Variants in ERBB4 observed in about 807,000 individuals in gnomAD.
The protein encoded by ERBB4 is receptor tyrosine-protein kinase erbB-4.
ERBB4 carries 42 observed loss-of-function variants against 158.0 expected under a neutral mutation model. That is an observed-to-expected ratio of 0.27 (90% CI 0.21 to 0.34). ERBB4 has a LOEUF of 0.34. ERBB4 is among the 10% of genes least tolerant of loss of function. The probability of loss-of-function intolerance (pLI) is 1.00; values close to 1 mark genes in which losing one functional copy is unlikely to be tolerated. For synonymous variants in ERBB4, 583 were observed against 558.7 expected (o/e 1.04, Z -0.61); for missense variants, 1,333 against 1,624.1 (o/e 0.82, Z 3.08).
intron 20 of ERBB4, chr2:211,535,811 G>A (rs374615917): frequency 5.3e-5 from 8 of 152,136 alleles, no homozygotes; most frequent in African/African-American, 1.9e-4. Flanking sequence ...AAGTTCAGAA[G>A]TACTAGCCGA....
chr2:212,387,392 G>A (rs1450984936), intron 1 of ERBB4, among the ~76,000 whole-genome samples: 1 of 152,014 alleles, frequency 6.6e-6, no homozygotes, highest in Non-Finnish European at 1.5e-5. Flanking sequence ...TAAGGCTTTG[G>A]TACTTTCTAT....
chr2:211,965,640 A>G (rs2081291796), intron 2 of ERBB4, among the ~76,000 whole-genome samples: 1 of 152,184 alleles, frequency 6.6e-6, no homozygotes, highest in Non-Finnish European at 1.5e-5. Context: ...CTATTTCCAG[A>G]GGAAACTAGA....
chr2:212,078,357 T>C (rs908547589), intron 2 of ERBB4, among the ~76,000 whole-genome samples: 2 of 152,022 alleles, frequency 1.3e-5, no homozygotes, highest in Non-Finnish European at 2.9e-5. Flanking sequence ...GATCAGATTT[T>C]GTTGTTGTGC....
intron 19 of ERBB4, among the ~76,000 whole-genome samples, chr2:211,598,892 C>T (rs1323410350): frequency 6.6e-6 from 1 of 152,128 alleles, no homozygotes; most frequent in African/African-American, 2.4e-5. Flanking sequence ...AGTAACGTCA[C>T]TTGGCAGAAG....
At chr2:212,179,572 G>C (rs1050044283) in intron 1 of ERBB4, among the ~76,000 whole-genome samples, 1 of 151,542 alleles carries the variant, frequency 6.6e-6, no homozygotes, top group Non-Finnish European at 1.5e-5. Flanking sequence ...GTGAGAATTA[G>C]AGATCATGTT....
intron 13 of ERBB4, among the ~76,000 whole-genome samples, chr2:211,677,657 G>A (rs1385510074): frequency 1.3e-5 from 2 of 150,438 alleles, no homozygotes; most frequent in Non-Finnish European, 1.5e-5. Context: ...GGTGGATCAC[G>A]AGGTCAGGAG....
At chr2:211,909,870 C>T (rs190715473) in intron 3 of ERBB4, among the ~76,000 whole-genome samples, 24 of 151,948 alleles carry the variant, frequency 1.6e-4, no homozygotes, top group Non-Finnish European at 3.1e-4. Flanking sequence ...AATTAATATA[C>T]TTTCCATAGT....
At chr2:211,811,150 A>T (rs2076745728) in intron 3 of ERBB4, among the ~76,000 whole-genome samples, 1 of 152,108 alleles carries the variant, frequency 6.6e-6, no homozygotes, top group Non-Finnish European at 1.5e-5. Flanking sequence ...AGTGGCTCGT[A>T]CTGGTTGTTC....
intron 13 of ERBB4, among the ~76,000 whole-genome samples, chr2:211,675,614 G>C (rs184947318): frequency 1.3e-5 from 2 of 151,612 alleles, no homozygotes; most frequent in African/African-American, 4.8e-5. Flanking sequence ...GAGCATTGTA[G>C]TTAAGAGTTG....
At chr2:211,986,417 T>C (rs35510521) in intron 2 of ERBB4, among the ~76,000 whole-genome samples, 20,137 of 152,114 alleles carry the variant, frequency 0.13, 1,881 homozygotes, top group East Asian at 0.33. Context: ...CTAATTATTG[T>C]TAGAACTCGT....
chr2:212,112,322 A>G (rs2079435371), intron 2 of ERBB4, among the ~76,000 whole-genome samples: 2 of 152,294 alleles, frequency 1.3e-5, no homozygotes, highest in African/African-American at 4.8e-5. Context: ...AGTTCTCGGT[A>G]CAGTTTTCCT....
At chr2:211,624,933 CA>C (rs1367315952) in intron 17 of ERBB4, among the ~76,000 whole-genome samples, 1 of 151,658 alleles carries the variant, frequency 6.6e-6, no homozygotes, top group Non-Finnish European at 1.5e-5. Flanking sequence ...TACATAATCA[CA>C]GGGGGGGCTG....
chr2:212,335,222 A>C (rs1410801847), intron 1 of ERBB4, among the ~76,000 whole-genome samples: 2 of 151,964 alleles, frequency 1.3e-5, no homozygotes, highest in Non-Finnish European at 2.9e-5. Flanking sequence ...GAGGAGCTAC[A>C]TATTTGGAGG....
At chr2:211,767,875 T>G (rs1037845207) in intron 4 of ERBB4, among the ~76,000 whole-genome samples, 3 of 152,160 alleles carry the variant, frequency 2.0e-5, no homozygotes, top group Admixed American at 1.3e-4. Flanking sequence ...TTAAGTCTCA[T>G]GACCTCACAT....
chr2:211,394,000 C>T (rs2062859230), intron 25 of ERBB4, among the ~76,000 whole-genome samples: 2 of 152,036 alleles, frequency 1.3e-5, no homozygotes, highest in South Asian at 4.1e-4. Context: ...TCCTGCTTGA[C>T]TGAGGGTAAG....
At chr2:211,949,131 G>A (rs556657963) in intron 2 of ERBB4, among the ~76,000 whole-genome samples, 40 of 152,040 alleles carry the variant, frequency 2.6e-4, no homozygotes, top group African/African-American at 5.8e-4. Flanking sequence ...TACCTCTTAC[G>A]TCATCCATGG....
At chr2:211,590,574 C>T (rs545234210) in intron 19 of ERBB4, among the ~76,000 whole-genome samples, 3 of 152,192 alleles carry the variant, frequency 2.0e-5, no homozygotes, top group South Asian at 4.2e-4. Flanking sequence ...CCCCTCCCCA[C>T]GATTTCACCT....
At chr2:211,503,414 C>A (rs751583452) in intron 20 of ERBB4, among the ~76,000 whole-genome samples, 1 of 152,134 alleles carries the variant, frequency 6.6e-6, no homozygotes, top group African/African-American at 2.4e-5. Context: ...TGTCCCCAGG[C>A]CCGCCAGTTT....
chr2:212,261,149 A>G (rs2084930174), intron 1 of ERBB4, among the ~76,000 whole-genome samples: 1 of 152,212 alleles, frequency 6.6e-6, no homozygotes, highest in Non-Finnish European at 1.5e-5. Context: ...TTCTGCATGT[A>G]AAATTTCATG....
Sources: gnomAD v4.1 joint callset for allele counts (sites outside exome capture counted in the v4.1 genomes callset) on GRCh38, gnomAD v4.1.1 for gene constraint, MANE v1.5 for transcripts, NCBI Gene and HGNC (gene_info 2026-07-23, HGNC 2026-07-21) for gene names.